The following MTUS2 variants were observed in gnomAD, a reference collection of about 807,000 sequenced individuals.
MTUS2 encodes the protein microtubule associated scaffold protein 2.
In MTUS2, 40 loss-of-function variants were observed where a neutral mutation model predicts 114.1. The observed-to-expected ratio is 0.35, with a 90% CI of 0.27 to 0.46. The LOEUF is 0.46. Ranked by LOEUF, MTUS2 falls within the 20% of genes least tolerant of loss-of-function variation. The pLI is 1.00. For synonymous variants in MTUS2, 688 were observed against 672.0 expected, an observed-to-expected ratio of 1.02 and a Z score of -0.37; for missense variants, 1,679 against 1,705.4, an observed-to-expected ratio of 0.98 and a Z score of 0.27.
intron 9 of MTUS2, among the ~76,000 whole-genome samples, chr13:29,470,688 T>G (rs1880220252): frequency 6.6e-6 from 1 of 152,364 alleles, no homozygotes; most frequent in East Asian, 1.9e-4. Flanking sequence ...AGCATAACCC[T>G]AACTCTTTTG....
intron 10 of MTUS2, among the ~76,000 whole-genome samples, chr13:29,487,120 C>A (rs1881672196): frequency 6.6e-6 from 1 of 152,194 alleles, no homozygotes; most frequent in Non-Finnish European, 1.5e-5. Flanking sequence ...CCCAGGAGCA[C>A]CACATTGCCT....
At chr13:29,489,761 A>C (rs1004535748) in intron 11 of MTUS2, 1 of 152,240 alleles carries the variant, frequency 6.6e-6, no homozygotes, top group Non-Finnish European at 1.5e-5. Context: ...AGACAGTGTC[A>C]TGAGCTTGAA....
chr13:29,397,712 T>C (rs1018132557), intron 8 of MTUS2, among the ~76,000 whole-genome samples: 1 of 152,220 alleles, frequency 6.6e-6, no homozygotes, highest in African/African-American at 2.4e-5. Context: ...GTACCCACAA[T>C]TGCCAGCCAT....
chr13:28,840,625 A>T (rs1294404562), intron 2 of MTUS2, among the ~76,000 whole-genome samples: 2 of 152,242 alleles, frequency 1.3e-5, no homozygotes, highest in Non-Finnish European at 2.9e-5. Context: ...AGAGATGCTC[A>T]TGATGAGCCC....
In MTUS2 at chr13:29,117,272, C is replaced by T. The variant is rs544855100; in HGVS notation, c.2644+16302C>T. ...TGCAGCCACAGCATTTTGTGTCTCC[C>T]TGCCTTCTGCGACCCATGTGGACTT... On this transcript the variant is annotated intron_variant, in intron 5 of 15. Transcript: ENST00000612955. Among the ~76,000 whole-genome samples, 11 of 152,276 alleles carry T rather than the reference C, an allele frequency of 7.2e-5. No individual in the cohort carries two copies. In the East Asian group the frequency reaches 1.7e-3, roughly 24 times the overall value.
chr13:29,488,226 G>A (rs542234768), intron 11 of MTUS2: 1 of 551,406 alleles, frequency 1.8e-6, no homozygotes, highest in African/African-American at 1.9e-5. Context: ...CCTCAACCTT[G>A]ATGAATACTG....
intron 7 of MTUS2, among the ~76,000 whole-genome samples, chr13:29,346,809 T>A (rs1403717089): frequency 1.4e-5 from 2 of 147,510 alleles, no homozygotes; most frequent in Non-Finnish European, 3.0e-5. Flanking sequence ...AGAAATGGCT[T>A]CCCTGGGGTC....
At chr13:29,081,600 A>G (rs555821327) in intron 4 of MTUS2, among the ~76,000 whole-genome samples, 54 of 149,784 alleles carry the variant, frequency 3.6e-4, no homozygotes, top group African/African-American at 1.3e-3. Context: ...AGTTTTTACC[A>G]TTCAAAGTAA....
chr13:29,004,503 T>C (rs1885521766), intron 2 of MTUS2, among the ~76,000 whole-genome samples: 1 of 152,184 alleles, frequency 6.6e-6, no homozygotes, highest in African/African-American at 2.4e-5. Flanking sequence ...ATTCTTGAAG[T>C]ATGGGATTTA....
chr13:29,199,468 C>T (rs531280173), intron 5 of MTUS2, among the ~76,000 whole-genome samples: 28 of 152,128 alleles, frequency 1.8e-4, no homozygotes, highest in African/African-American at 2.6e-4. Context: ...TTGTCATCGG[C>T]TCTGTTTATG....
At chr13:29,335,192 G>A (rs1002865866) in intron 7 of MTUS2, among the ~76,000 whole-genome samples, 1 of 152,124 alleles carries the variant, frequency 6.6e-6, no homozygotes, top group Non-Finnish European at 1.5e-5. Context: ...CGTCCCTAAG[G>A]AGAGATCTCT....
At chr13:29,376,856 A>T (rs945460524) in intron 8 of MTUS2, among the ~76,000 whole-genome samples, 8 of 152,206 alleles carry the variant, frequency 5.3e-5, no homozygotes, top group African/African-American at 1.7e-4. Context: ...TAAAAGCATG[A>T]TCTACCTATA....
intron 5 of MTUS2, among the ~76,000 whole-genome samples, chr13:29,273,840 T>C (rs1361602621): frequency 1.3e-5 from 2 of 152,224 alleles, no homozygotes; most frequent in Admixed American, 6.5e-5. Context: ...GTATATAGCA[T>C]GTATCATTAC....
chr13:28,860,764 A>G (rs948100638), intron 2 of MTUS2, among the ~76,000 whole-genome samples: 1 of 151,478 alleles, frequency 6.6e-6, no homozygotes, highest in African/African-American at 2.4e-5. Flanking sequence ...ATATATGTCA[A>G]CTCTCCTCCT....
At chr13:29,158,174 G>A (rs147286988) in intron 5 of MTUS2, among the ~76,000 whole-genome samples, 44 of 152,126 alleles carry the variant, frequency 2.9e-4, no homozygotes, top group African/African-American at 9.6e-4. Flanking sequence ...TTGCTTCTGG[G>A]ATTTTGAGCA....
At chr13:29,316,119 G>A (rs17657219) in intron 6 of MTUS2, among the ~76,000 whole-genome samples, 6,780 of 152,258 alleles carry the variant, frequency 0.045, 213 homozygotes, top group South Asian at 0.12. Flanking sequence ...TGTAAGAATA[G>A]TGTTCAATTA....
rs375070429 is a variant in MTUS2 at position 28,983,566 on chromosome 13, A to G, written c.-242-40891A>G. 8.5e-5 allele frequency among the ~76,000 whole-genome samples: 13 copies of G among 152,290 alleles called. 1 individual carries two copies. The East Asian group carries it at 9.6e-4, about 11-fold the overall frequency. ...AATTAATCTCACTTGTTTGATTTGA[A>G]TTTTTTTGTTGTGGCTACTAGAAAA... On this transcript the variant is annotated intron_variant, in intron 2 of 15. Coordinates refer to ENST00000612955, the MANE Select transcript of MTUS2 (RefSeq NM_001033602.4).
chr13:29,192,104 T>C (rs7317620), intron 5 of MTUS2, among the ~76,000 whole-genome samples: 3,737 of 152,316 alleles, frequency 0.025, 152 homozygotes, highest in African/African-American at 0.085. Flanking sequence ...GCAAAACTTA[T>C]TGAGTGGTAA....
intron 2 of MTUS2, among the ~76,000 whole-genome samples, chr13:28,920,392 C>G (rs1880977183): frequency 6.6e-6 from 1 of 152,238 alleles, no homozygotes; most frequent in South Asian, 2.1e-4. Context: ...TTGTTCTTTT[C>G]CCTTACTTTC....
Sources: gnomAD v4.1 joint callset for allele counts (sites outside exome capture counted in the v4.1 genomes callset) on GRCh38, gnomAD v4.1.1 for gene constraint, MANE v1.5 for transcripts, NCBI Gene and HGNC (gene_info 2026-07-23, HGNC 2026-07-21) for gene names.